Variants in ZDHHC9 observed in about 807,000 individuals in gnomAD.
ZDHHC9 encodes the protein palmitoyltransferase ZDHHC9.
A neutral mutation model predicts 26.6 loss-of-function variants in ZDHHC9; 3 were observed. The observed-to-expected ratio is 0.11, with a 90% confidence interval of 0.05 to 0.29. The LOEUF is 0.29. Among genes scored for constraint, ZDHHC9 ranks in the 10% least tolerant of loss-of-function variants. The probability of loss-of-function intolerance (pLI) is 1.00; values close to 1 mark genes in which losing one functional copy is unlikely to be tolerated. For synonymous variants in ZDHHC9, 111 were observed against 109.4 expected, an observed-to-expected ratio of 1.01 and a Z score of -0.09; for missense variants, 146 against 296.4, an observed-to-expected ratio of 0.49 and a Z score of 3.73.
chrX:129,826,200 A>G (rs1356282289), intron 4 of ZDHHC9, among the ~76,000 whole-genome samples: 1 of 111,574 alleles, frequency 9.0e-6, no homozygotes, highest in Non-Finnish European at 1.9e-5. Context: ...ACAGCTATTC[A>G]TTAGAGGATA....
intron 5 of ZDHHC9, among the ~76,000 whole-genome samples, chrX:129,817,629 C>A: frequency 9.0e-6 from 1 of 111,117 alleles, no homozygotes; most frequent in Non-Finnish European, 1.9e-5. Context: ...AGCAGTAACT[C>A]TCCATTTCCC....
At position 129,836,844 on chromosome X, in the gene ZDHHC9, G is replaced by A. The variant is rs185376592; in HGVS notation, c.167+4935C>T. Among the ~76,000 whole-genome samples, 943 of 112,193 alleles carry A rather than the reference G, an allele frequency of 8.4e-3. 11 individuals are homozygous for A. Among genetic ancestry groups the A allele is most frequent in the African/African-American group, 0.029 (895 of 30,941 alleles). On this transcript the variant is annotated intron_variant, in intron 3 of 10. Coordinates refer to ENST00000357166, the MANE Select transcript of ZDHHC9 (RefSeq NM_016032.4). ...GGAGCATAAGCTTGGGAGACCCAAA[G>A]AGCCTAGATGCCACTGGGTAACACA...
At position 129,810,917 on chromosome X, in the gene ZDHHC9, C is replaced by A; in HGVS notation, c.966G>T (p.Leu322Phe). 8.3e-7 allele frequency: 1 copy of A among 1,210,829 alleles called. No individual in the cohort carries two copies. The change falls in exon 10 of 11, where the codon TTG (leucine) becomes TTT (phenylalanine). Residue 322 changes from leucine (L) to phenylalanine (F), a missense_variant. Leu to Phe is a conservative substitution (Grantham distance 22). This residue lies in a region of ZDHHC9 where 46 missense variants were observed against 46.4 expected (regional missense o/e 0.99). Transcript: ENST00000357166. ...PSTQETSSSL[L>F]PQSPAPTEHL... ...CAGGAACACTTACTGGGCTCTGTGG[C>A]AAGAGGCTGCTACTGGTCTCTTGAG...
At chrX:129,836,128 T>C (rs1387965151) in intron 3 of ZDHHC9, among the ~76,000 whole-genome samples, 2 of 112,021 alleles carry the variant, frequency 1.8e-5, no homozygotes, top group Admixed American at 1.9e-4. Context: ...ACCTTGTCAC[T>C]GTGGGCACTA....
Position 129,804,471 on chromosome X carries a change from T to C in ZDHHC9, c.*1899A>G, listed in dbSNP as rs1927465035. On this transcript the variant is annotated 3_prime_UTR_variant, in exon 11 of 11. Transcript: ENST00000357166. ...CCAAATTTCATTAATTCCAATTAAC[T>C]GGGAAGTATGAGATGGGAATTGATA... 2 of 110,958 alleles carry C rather than the reference T, an allele frequency of 1.8e-5. No individual in the cohort carries two copies. The highest frequency in any genetic ancestry group is 1.9e-5 in the Non-Finnish European group (1 of 52,931). 9.1% of individuals were successfully genotyped at this position (110,958 alleles called of 1,213,427 possible). A position where few individuals can be genotyped will look rare whatever the true frequency, so the allele number is the denominator to read the frequency against.
intron 3 of ZDHHC9, among the ~76,000 whole-genome samples, chrX:129,831,874 C>T (rs1477046259): frequency 1.8e-5 from 2 of 110,404 alleles, no homozygotes; most frequent in African/African-American, 6.6e-5. Context: ...ATACCCCCAC[C>T]GGGGGTATTG....
At position 129,810,617 on chromosome X, in the gene ZDHHC9, C is replaced by G. The variant is rs760741052; in HGVS notation, c.978+288G>C. Among the ~76,000 whole-genome samples the G allele has an allele frequency of 3.6e-5, 4 of 111,493 alleles. No homozygotes were observed. In the East Asian group the frequency reaches 8.4e-4, roughly 23 times the overall value. ...GGCCTGTTTACTTGTTTCTTGCCCC[C>G]ACTAGACAATGAGCTCCTTGAGAGC... On this transcript the variant is annotated intron_variant, in intron 10 of 10. Transcript: ENST00000357166.
At chrX:129,809,428 C>T (rs1927586827) in intron 10 of ZDHHC9, among the ~76,000 whole-genome samples, 1 of 111,630 alleles carries the variant, frequency 9.0e-6, no homozygotes, top group African/African-American at 3.3e-5. Flanking sequence ...ATGGACAAAC[C>T]TCGAAAACAT....
chrX:129,834,375 G>A (rs1302408873), intron 3 of ZDHHC9, among the ~76,000 whole-genome samples: 1 of 111,890 alleles, frequency 8.9e-6, no homozygotes, highest in Non-Finnish European at 1.9e-5. Context: ...ACTGTTTCAA[G>A]ATTCTTCTGA....
chrX:129,820,717 G>C (rs1384418210), intron 5 of ZDHHC9, among the ~76,000 whole-genome samples: 1 of 111,914 alleles, frequency 8.9e-6, no homozygotes, highest in Non-Finnish European at 1.9e-5. Flanking sequence ...ATTTGTATGA[G>C]TTCCTTATAG....
At chrX:129,828,922 C>A in intron 4 of ZDHHC9, 59 bp downstream of exon 4, 1 of 1,192,378 alleles carries the variant, frequency 8.4e-7, no homozygotes, top group South Asian at 1.8e-5. Flanking sequence ...TGATTCCATT[C>A]TCTTACTGAT....
chrX:129,814,907 G>T, intron 5 of ZDHHC9, 112 bp from the exon 6 acceptor site: 23 of 716,523 alleles, frequency 3.2e-5, no homozygotes, highest in South Asian at 5.3e-5. Context: ...TATTTCAGTT[G>T]TAAAAAATAT....
At chrX:129,813,950 G>C (rs752067557) in intron 6 of ZDHHC9, among the ~76,000 whole-genome samples, 1 of 112,210 alleles carries the variant, frequency 8.9e-6, no homozygotes, top group African/African-American at 3.2e-5. Flanking sequence ...GACTAGACAG[G>C]CAGGCAGAAG....
chrX:129,830,210 G>A (rs1182895540), intron 3 of ZDHHC9, among the ~76,000 whole-genome samples: 3 of 111,603 alleles, frequency 2.7e-5, no homozygotes, highest in Non-Finnish European at 5.6e-5. Flanking sequence ...TAAGAGCAAG[G>A]ACCTAGTCTT....
chrX:129,841,648 C>T, intron 3 of ZDHHC9, 131 bp downstream of exon 3: 1 of 788,931 alleles, frequency 1.3e-6, no homozygotes, highest in Non-Finnish European at 1.9e-6. Flanking sequence ...ATTCAGCTGG[C>T]ATCTCTACAG....
chrX:129,809,760 G>A (rs1056892442), intron 10 of ZDHHC9, among the ~76,000 whole-genome samples: 1 of 110,515 alleles, frequency 9.0e-6, no homozygotes, highest in African/African-American at 3.3e-5. Flanking sequence ...TACTTTGGGA[G>A]GCTGAGGTGG....
At chrX:129,842,605 C>T (rs753650370) in intron 2 of ZDHHC9, among the ~76,000 whole-genome samples, 2 of 112,792 alleles carry the variant, frequency 1.8e-5, no homozygotes, top group Non-Finnish European at 3.7e-5. Flanking sequence ...CTTCTTTCTT[C>T]AATTAGCCAC....
chrX:129,836,175 T>A (rs1190517035), intron 3 of ZDHHC9, among the ~76,000 whole-genome samples: 1 of 112,526 alleles, frequency 8.9e-6, no homozygotes, highest in Non-Finnish European at 1.9e-5. Flanking sequence ...TTGGTCTACA[T>A]AGTCTTGTGT....
intron 10 of ZDHHC9, among the ~76,000 whole-genome samples, chrX:129,808,269 T>C: frequency 8.9e-6 from 1 of 111,978 alleles, no homozygotes; most frequent in Non-Finnish European, 1.9e-5. Context: ...AAAACAATCA[T>C]GAAAAAGAAG....
Sources: gnomAD v4.1 joint callset for allele counts (sites outside exome capture counted in the v4.1 genomes callset) on GRCh38, gnomAD v4.1.1 for gene constraint, gnomAD v4.1.1 regional missense constraint, MANE v1.5 for transcripts, NCBI Gene and HGNC (gene_info 2026-07-23, HGNC 2026-07-21) for gene names.